Variants in C16orf78 observed in about 807,000 individuals in gnomAD.
C16orf78 encodes the protein uncharacterized protein C16orf78.
In C16orf78, 19 loss-of-function variants were observed where a neutral mutation model predicts 27.3. That is an observed-to-expected ratio of 0.70 (90% CI 0.49 to 1.02). C16orf78 has a LOEUF of 1.02. Ranked by LOEUF, C16orf78 falls within the 50% of genes least tolerant of loss-of-function variation. The pLI, the probability that C16orf78 is intolerant of heterozygous loss-of-function variation, is 0.00. For synonymous variants in C16orf78, 130 were observed against 116.1 expected (o/e 1.12, Z -0.77); for missense variants, 339 against 337.0 (o/e 1.01, Z -0.05).
chr16:49,391,005 C>T (rs1965406503), intron 3 of C16orf78, among the ~76,000 whole-genome samples: 1 of 152,188 alleles, frequency 6.6e-6, no homozygotes, highest in Non-Finnish European at 1.5e-5. Flanking sequence ...TTTCATATGA[C>T]ATGCCCAATT....
intron 3 of C16orf78, among the ~76,000 whole-genome samples, chr16:49,390,307 T>C (rs778223340): frequency 7.9e-5 from 12 of 152,198 alleles, no homozygotes; most frequent in Non-Finnish European, 1.8e-4. Flanking sequence ...CATTATTTGT[T>C]CACAAATTTA....
intron 3 of C16orf78, among the ~76,000 whole-genome samples, chr16:49,382,027 A>G (rs1965292631): frequency 6.6e-6 from 1 of 152,148 alleles, no homozygotes; most frequent in Non-Finnish European, 1.5e-5. Context: ...ATGTCCAACA[A>G]TGATAGACTG....
At chr16:49,382,083 C>T (rs1965293002) in intron 3 of C16orf78, among the ~76,000 whole-genome samples, 1 of 152,106 alleles carries the variant, frequency 6.6e-6, no homozygotes, top group Non-Finnish European at 1.5e-5. Flanking sequence ...ACTATGCAGC[C>T]ATAAAAAATG....
chr16:49,396,805 C>T, intron 4 of C16orf78, 127 bp downstream of exon 4: 3 of 1,292,752 alleles, frequency 2.3e-6, no homozygotes, highest in Non-Finnish European at 3.1e-6. Context: ...TGTGGCTGAG[C>T]TCCGCCCTTT....
intron 3 of C16orf78, among the ~76,000 whole-genome samples, chr16:49,384,509 T>TA (rs911053322): frequency 1.7e-4 from 24 of 142,688 alleles, no homozygotes; most frequent in Admixed American, 2.8e-4. Context: ...GTCTGAGGAG[T>TA]AAAAAAAAAA....
At chr16:49,384,136 G>A (rs1394832769) in intron 3 of C16orf78, among the ~76,000 whole-genome samples, 3 of 152,058 alleles carry the variant, frequency 2.0e-5, no homozygotes, top group African/African-American at 7.2e-5. Flanking sequence ...ATCACCTGAG[G>A]TAGGGAGTTC....
intron 4 of C16orf78, among the ~76,000 whole-genome samples, chr16:49,398,861 T>G (rs1214780944): frequency 6.6e-6 from 1 of 152,242 alleles, no homozygotes; most frequent in African/African-American, 2.4e-5. Context: ...ATCGAGGACC[T>G]GAGTGGGGTT....
intron 1 of C16orf78, among the ~76,000 whole-genome samples, chr16:49,375,200 A>T (rs1404839942): frequency 6.6e-6 from 1 of 152,204 alleles, no homozygotes; most frequent in African/African-American, 2.4e-5. Context: ...CCAAATGCAT[A>T]GACTCCTCTG....
In C16orf78 at chr16:49,385,654, C is replaced by CA. The variant is rs1212909662; in HGVS notation, c.394+7077dup. ...TGGGTGACAGAGTGAGACTCCATCT[C>CA]AAAAAAAAAAAAAAAATGTTTTGTA... On this transcript the variant is annotated intron_variant, in intron 3 of 4. Coordinates refer to ENST00000299191, the MANE Select transcript of C16orf78 (RefSeq NM_144602.4). 7.8e-3 allele frequency among the ~76,000 whole-genome samples: 695 copies of CA among 88,536 alleles called. 4 individuals are homozygous for CA. The highest frequency in any genetic ancestry group is 0.011 in the African/African-American group (276 of 24,310). 58.1% of individuals were successfully genotyped at this position (88,536 alleles called of 152,430 possible). A position where few individuals can be genotyped will look rare whatever the true frequency, so the allele number is the denominator to read the frequency against.
chr16:49,395,515 C>T lies in C16orf78; in HGVS notation c.395-908C>T, dbSNP rs74807722. ...GTGTTAGCAGATTTTAGGTGTGGCCCAGTAAAATTCTTCTTCTTCCAATGT... is the reference window on the plus strand; with the variant it reads ...GTGTTAGCAGATTTTAGGTGTGGCCTAGTAAAATTCTTCTTCTTCCAATGT... On this transcript the variant is annotated intron_variant, in intron 3 of 4. Transcript: ENST00000299191. 3.9e-5 allele frequency among the ~76,000 whole-genome samples: 6 copies of T among 152,036 alleles called. No homozygotes were observed. The East Asian group carries it at 1.2e-3, about 29-fold the overall frequency.
chr16:49,394,277 A>G (rs2151615866), intron 3 of C16orf78, among the ~76,000 whole-genome samples: 1 of 152,274 alleles, frequency 6.6e-6, no homozygotes, highest in South Asian at 2.1e-4. Context: ...CCAATAATAT[A>G]AATGCGAAAA....
chr16:49,387,873 G>T (rs1029187972), intron 3 of C16orf78, among the ~76,000 whole-genome samples: 2 of 152,158 alleles, frequency 1.3e-5, no homozygotes, highest in African/African-American at 4.8e-5. Context: ...ATGGTTATTT[G>T]TATTTCTGTG....
At chr16:49,377,479 C>T (rs530710588) in intron 1 of C16orf78, among the ~76,000 whole-genome samples, 1 of 152,170 alleles carries the variant, frequency 6.6e-6, no homozygotes, top group African/African-American at 2.4e-5. Flanking sequence ...GATGGGGAGC[C>T]CCTGATGGAT....
At chr16:49,379,303 G>C (rs117691037) in intron 3 of C16orf78, among the ~76,000 whole-genome samples, 1 of 152,040 alleles carries the variant, frequency 6.6e-6, no homozygotes, top group East Asian at 1.9e-4. Context: ...AATTTCAGGT[G>C]GTCTTTACTG....
chr16:49,379,147 A>G (rs1169864943), intron 3 of C16orf78, among the ~76,000 whole-genome samples: 1 of 152,098 alleles, frequency 6.6e-6, no homozygotes, highest in Non-Finnish European at 1.5e-5. Context: ...CTGGTTTTTC[A>G]TCTATAAAAT....
intron 3 of C16orf78, among the ~76,000 whole-genome samples, chr16:49,391,033 G>A (rs917207674): frequency 6.6e-6 from 1 of 152,186 alleles, no homozygotes; most frequent in African/African-American, 2.4e-5. Flanking sequence ...TGCTTAAGGT[G>A]AAAGGATAAA....
chr16:49,391,871 A>G (rs777109642), intron 3 of C16orf78, among the ~76,000 whole-genome samples: 11 of 152,274 alleles, frequency 7.2e-5, no homozygotes, highest in Non-Finnish European at 1.0e-4. Flanking sequence ...GCAGCTCATG[A>G]TCCTCCCAGA....
intron 1 of C16orf78, among the ~76,000 whole-genome samples, chr16:49,377,370 C>A (rs376517254): frequency 1.1e-4 from 17 of 152,102 alleles, no homozygotes; most frequent in Non-Finnish European, 1.5e-5. Flanking sequence ...TGTGACTCCA[C>A]ACTGGAGGCA....
chr16:49,382,692 T>C (rs1247583483), intron 3 of C16orf78, among the ~76,000 whole-genome samples: 3 of 152,164 alleles, frequency 2.0e-5, no homozygotes, highest in African/African-American at 7.2e-5. Flanking sequence ...ATCATGCACT[T>C]GTGTGAGTCT....
Sources: allele counts gnomAD v4.1 joint callset (sites outside exome capture counted in the v4.1 genomes callset), GRCh38; gene constraint gnomAD v4.1.1; transcripts MANE v1.5; gene names NCBI Gene and HGNC (gene_info 2026-07-23, HGNC 2026-07-21).